Variants in LCA5L observed in about 807,000 individuals in gnomAD.
The protein encoded by LCA5L is lebercilin LCA5 like.
A neutral mutation model predicts 45.4 loss-of-function variants in LCA5L; 35 were observed. That is an observed-to-expected ratio of 0.77 (90% CI 0.59 to 1.02). The LOEUF is 1.02. Among genes scored for constraint, LCA5L ranks in the 50% least tolerant of loss-of-function variants. The pLI is 0.00. For missense variants in LCA5L, 668 were observed against 761.6 expected (o/e 0.88, Z 1.45); for synonymous variants, 233 against 264.7 (o/e 0.88, Z 1.16).
At chr21:39,408,905 C>G (rs1231303220) in intron 10 of LCA5L, among the ~76,000 whole-genome samples, 1 of 152,046 alleles carries the variant, frequency 6.6e-6, no homozygotes, top group East Asian at 1.9e-4. Context: ...GGTAATATTG[C>G]CCTTTGCTCA....
At chr21:39,441,836 C>A (rs2076897039) in intron 2 of LCA5L, among the ~76,000 whole-genome samples, 1 of 152,190 alleles carries the variant, frequency 6.6e-6, no homozygotes, top group South Asian at 2.1e-4. Context: ...GATTTTCATT[C>A]TATTTTAATA....
At chr21:39,427,010 C>T (rs965244102) in intron 5 of LCA5L, among the ~76,000 whole-genome samples, 2 of 152,210 alleles carry the variant, frequency 1.3e-5, no homozygotes, top group African/African-American at 4.8e-5. Flanking sequence ...TAAAGAATCC[C>T]TGTGCTATAG....
At chr21:39,445,703 A>G (rs1269077232) in intron 1 of LCA5L, 22 bp downstream of exon 1, 1 of 152,300 alleles carries the variant, frequency 6.6e-6, no homozygotes, top group East Asian at 1.9e-4. Context: ...GAGGGGGACG[A>G]CGGCAGCAGC....
intron 7 of LCA5L, among the ~76,000 whole-genome samples, chr21:39,412,247 C>T (rs781474218): frequency 1.3e-5 from 2 of 152,122 alleles, no homozygotes. Context: ...TATTGGATGG[C>T]ACAGGTGAAC....
chr21:39,417,891 A>G (rs191762242), intron 7 of LCA5L, among the ~76,000 whole-genome samples: 1,628 of 152,098 alleles, frequency 0.011, 21 homozygotes, highest in African/African-American at 0.028. Context: ...TCAGCCTCCC[A>G]AGTAGCTGGG....
chr21:39,426,081 CTTT>C (rs1010369424), intron 5 of LCA5L: 5 of 152,200 alleles, frequency 3.3e-5, no homozygotes, highest in African/African-American at 9.7e-5. Flanking sequence ...CAGTATTCTT[CTTT>C]GTGTGAGGCC....
chr21:39,427,596 A>G (rs573997355), intron 5 of LCA5L, among the ~76,000 whole-genome samples: 80 of 150,970 alleles, frequency 5.3e-4, no homozygotes, highest in Non-Finnish European at 7.8e-4. Flanking sequence ...CGGGAGGCAG[A>G]GCTTGCAGTG....
At chr21:39,439,455 T>C (rs1309150168) in intron 2 of LCA5L, among the ~76,000 whole-genome samples, 1 of 152,198 alleles carries the variant, frequency 6.6e-6, no homozygotes, top group Non-Finnish European at 1.5e-5. Flanking sequence ...TTGAAAAACA[T>C]CACAAATTAA....
chr21:39,441,047 A>G (rs2076794339), intron 2 of LCA5L, among the ~76,000 whole-genome samples: 1 of 152,292 alleles, frequency 6.6e-6, no homozygotes, highest in African/African-American at 2.4e-5. Flanking sequence ...GATTCTTAAC[A>G]CTGATTGGCC....
At chr21:39,419,624 C>A (rs528258182) in intron 7 of LCA5L, among the ~76,000 whole-genome samples, 3 of 151,820 alleles carry the variant, frequency 2.0e-5, no homozygotes, top group Admixed American at 6.6e-5. Context: ...GATACTTTTA[C>A]GACGTGGGCC....
intron 2 of LCA5L, among the ~76,000 whole-genome samples, chr21:39,441,082 T>A (rs147477464): frequency 0.011 from 1,700 of 152,198 alleles, 35 homozygotes; most frequent in African/African-American, 0.04. Flanking sequence ...ACACCTGTAA[T>A]CCCAGCACTT....
At chr21:39,420,505 A>G (rs1312150125) in intron 7 of LCA5L, among the ~76,000 whole-genome samples, 1 of 129,010 alleles carries the variant, frequency 7.8e-6, no homozygotes, top group Non-Finnish European at 1.6e-5. Context: ...CCTGGGTGAC[A>G]GAGCAAGATT....
chr21:39,436,574 T>C (rs1171061128), intron 2 of LCA5L, among the ~76,000 whole-genome samples: 9 of 152,156 alleles, frequency 5.9e-5, no homozygotes, highest in Admixed American at 4.6e-4. Context: ...CTCGACCTCC[T>C]GGGCTCACGC....
chr21:39,429,908 C>T (rs1034840176), intron 3 of LCA5L, among the ~76,000 whole-genome samples: 10 of 152,016 alleles, frequency 6.6e-5, no homozygotes, highest in Non-Finnish European at 5.9e-5. Context: ...GTCCCAGCGA[C>T]TTGGGAGGCT....
At position 39,414,384 on chromosome 21, in the gene LCA5L, TGCA is replaced by T. The variant is rs1316883896; in HGVS notation, c.976-2585_976-2583del. 3.3e-5 allele frequency: 5 copies of T among 152,176 alleles called. No individual in the cohort carries two copies. In the East Asian group the frequency reaches 9.6e-4, roughly 29 times the overall value. 9.4% of individuals were successfully genotyped at this position (152,176 alleles called of 1,614,324 possible). A position where few individuals can be genotyped will look rare whatever the true frequency, so the allele number is the denominator to read the frequency against. On this transcript the variant is annotated intron_variant, in intron 7 of 10. Transcript: ENST00000288350. Reference sequence around the variant, plus strand: ...TCCCTCTTCTTACTTCGGCTCATACTGCAGAAGTGGGCCTAGAACTCGGTGTGG... The same window carrying T: ...TCCCTCTTCTTACTTCGGCTCATACTGAAGTGGGCCTAGAACTCGGTGTGG...
chr21:39,435,250 T>C (rs1016373370), intron 3 of LCA5L, among the ~76,000 whole-genome samples, 170 bp downstream of exon 3: 4 of 152,208 alleles, frequency 2.6e-5, no homozygotes, highest in South Asian at 2.1e-4. Context: ...AACAGTAAAC[T>C]TCTATATTAT....
chr21:39,413,994 C>T (rs2040571270), intron 7 of LCA5L: 1 of 152,236 alleles, frequency 6.6e-6, no homozygotes, highest in Non-Finnish European at 1.5e-5. Context: ...CGGCTTGGAG[C>T]AGAGCTTCAG....
intron 2 of LCA5L, among the ~76,000 whole-genome samples, chr21:39,439,377 A>C (rs945353074): frequency 1.3e-5 from 2 of 152,242 alleles, no homozygotes; most frequent in Non-Finnish European, 2.9e-5. Context: ...TAAGAAAATA[A>C]ATTTGTTTGA....
Position 39,428,296 on chromosome 21 carries a change from A to G in LCA5L, c.198T>C (p.Asp66=), listed in dbSNP as rs1421672041. ...AATCACAGAGAAAGTCTTCTGAATA[A>G]TCATACTGAGAACTTAAACTTCCAC... is the stretch of plus-strand genomic sequence containing the variant. ...CSCGSLSSQY[D]YSEDFLCDCS... The change falls in exon 5 of 11, where the codon GAT becomes GAC. Residue 66 remains aspartate, a synonymous_variant. Transcript: ENST00000288350. 1.2e-6 allele frequency: 2 copies of G among 1,612,354 alleles called. No individual in the cohort carries two copies. The highest frequency in any genetic ancestry group is 1.7e-6 in the Non-Finnish European group (2 of 1,178,552).
Sources: gnomAD v4.1 joint callset for allele counts (sites outside exome capture counted in the v4.1 genomes callset) on GRCh38, gnomAD v4.1.1 for gene constraint, MANE v1.5 for transcripts, NCBI Gene and HGNC (gene_info 2026-07-23, HGNC 2026-07-21) for gene names.